The following DYNLRB2 variants were observed in gnomAD, a reference collection of about 807,000 sequenced individuals.
DYNLRB2 encodes the protein dynein light chain roadblock-type 2.
In DYNLRB2, 14 loss-of-function variants were observed where a neutral mutation model predicts 12.6. The ratio of observed to expected loss-of-function variants is 1.11; its 90% confidence interval spans 0.73 to 1.73. DYNLRB2 has a LOEUF of 1.73. Among genes scored for constraint, DYNLRB2 ranks in the 40% most tolerant of loss-of-function variants. The pLI is 0.00. For synonymous variants in DYNLRB2, 53 were observed against 37.0 expected (o/e 1.43, Z -1.57); for missense variants, 142 against 117.7 (o/e 1.21, Z -0.95).
At chr16:80,543,607 T>G (rs949120549) in intron 2 of DYNLRB2, among the ~76,000 whole-genome samples, 2 of 152,204 alleles carry the variant, frequency 1.3e-5, no homozygotes, top group African/African-American at 4.8e-5. Context: ...TATACATTGT[T>G]TACTTTTTAA....
chr16:80,546,943 G>C (rs1904504157), intron 2 of DYNLRB2, among the ~76,000 whole-genome samples: 2 of 152,318 alleles, frequency 1.3e-5, no homozygotes, highest in South Asian at 4.1e-4. Flanking sequence ...AGTGCCATCA[G>C]ATTTTAGAAT....
chr16:80,541,064 C>G lies in DYNLRB2; in HGVS notation c.-13C>G, dbSNP rs906944547. Reference sequence around the variant, plus strand: ...TGCCGCCGGCCTGAGCCCAGAGTTTCGCGGCCTCCGCGATGGTAAATCTGG... The same window carrying G: ...TGCCGCCGGCCTGAGCCCAGAGTTTGGCGGCCTCCGCGATGGTAAATCTGG... On this transcript the variant is annotated 5_prime_UTR_variant, in exon 1 of 4. Coordinates refer to ENST00000305904, the MANE Select transcript of DYNLRB2 (RefSeq NM_130897.3). 1.2e-6 allele frequency: 2 copies of G among 1,607,568 alleles called. No individual in the cohort carries two copies. The highest frequency in any genetic ancestry group is 2.7e-5 in the African/African-American group (2 of 74,842).
chr16:80,541,435 G>GA (rs915633504), intron 1 of DYNLRB2: 73 of 976,286 alleles, frequency 7.5e-5, no homozygotes, highest in Middle Eastern at 5.3e-4. Context: ...AGATGGAGAG[G>GA]AAAAAAAATC....
rs751931828 is a variant in DYNLRB2 at position 80,549,576 on chromosome 16, C to A, written c.172C>A (p.Arg58Ser). 1 of 1,612,646 alleles carries A rather than the reference C, an allele frequency of 6.2e-7. No homozygotes were observed. The highest frequency in any genetic ancestry group is 1.1e-5 in the South Asian group (1 of 90,888). ...HLTMKAKSTV[R>S]DIDPQNDLTF... ...GACAATGAAAGCCAAAAGCACAGTT[C>A]GTGATATTGATCCTCAGAACGACCT... Residue 58 changes from arginine to serine, a missense_variant, in exon 3 of 4, where the codon CGT becomes AGT. By Grantham distance (110) the Arg-to-Ser change is moderately radical. Coordinates refer to ENST00000305904, the MANE Select transcript of DYNLRB2 (RefSeq NM_130897.3).
chr16:80,550,656 A>T lies in DYNLRB2; in HGVS notation c.*98A>T. ...CTATTTCAATCTAACTGACCCTTCAAACATTCTTTTCTATTTCTATATCTA... is the reference window on the plus strand; with the variant it reads ...CTATTTCAATCTAACTGACCCTTCATACATTCTTTTCTATTTCTATATCTA... On this transcript the variant is annotated 3_prime_UTR_variant, in exon 4 of 4. Transcript: ENST00000305904. 30 of 1,324,878 alleles carry T rather than the reference A, an allele frequency of 2.3e-5. No homozygotes were observed. Among genetic ancestry groups the T allele is most frequent in the Non-Finnish European group, 3.3e-5 (30 of 920,406 alleles). 82.1% of individuals were successfully genotyped at this position (1,324,878 alleles called of 1,614,324 possible).
chr16:80,549,495 C>T lies in DYNLRB2; in HGVS notation c.91C>T (p.Arg31Ter), dbSNP rs775329487. The change falls in exon 3 of 4, where the codon CGA (arginine) becomes TGA (stop). Residue 31 changes from arginine to a stop codon, truncating the protein, a stop_gained. Coordinates refer to ENST00000305904, the MANE Select transcript of DYNLRB2 (RefSeq NM_130897.3). LOFTEE classifies it high-confidence loss of function. ...AAATTTCATAATAGGTATTCCCATCCGAACAACCTTGGACAACTCAACAAC... is the reference window on the plus strand; with the variant it reads ...AAATTTCATAATAGGTATTCCCATCTGAACAACCTTGGACAACTCAACAAC... ...MVVNAEGIPI[R>*]TTLDNSTTVQ... The T allele has an allele frequency of 1.6e-5, 25 of 1,592,814 alleles. No individual in the cohort carries two copies. The highest frequency in any genetic ancestry group is 1.7e-4 in the Middle Eastern group (1 of 5,986).
At chr16:80,542,978 C>T (rs889526895) in intron 1 of DYNLRB2, among the ~76,000 whole-genome samples, 2 of 152,148 alleles carry the variant, frequency 1.3e-5, no homozygotes, top group South Asian at 2.1e-4. Flanking sequence ...GTAAAGAATA[C>T]TTTTCTAGTA....
chr16:80,550,400 A>T, intron 3 of DYNLRB2, 115 bp from the exon 4 acceptor site: 1 of 1,211,502 alleles, frequency 8.3e-7, no homozygotes, highest in Admixed American at 1.8e-5. Context: ...AGGGTGGGAA[A>T]CCATCTGTCT....
At chr16:80,547,640 C>A in intron 2 of DYNLRB2, 1 of 376,266 alleles carries the variant, frequency 2.7e-6, no homozygotes, top group Non-Finnish European at 5.2e-6. Context: ...TGTTTTCCTA[C>A]TGAGCATTGC....
intron 2 of DYNLRB2, among the ~76,000 whole-genome samples, chr16:80,548,647 A>T (rs1051730064): frequency 5.3e-5 from 8 of 151,560 alleles, no homozygotes; most frequent in Non-Finnish European, 7.4e-5. Context: ...GCTGGAACCC[A>T]GGAGGCAGAG....
At chr16:80,543,608 T>G (rs892551678) in intron 2 of DYNLRB2, among the ~76,000 whole-genome samples, 2 of 152,232 alleles carry the variant, frequency 1.3e-5, no homozygotes, top group Non-Finnish European at 2.9e-5. Flanking sequence ...ATACATTGTT[T>G]ACTTTTTAAA....
In DYNLRB2 at chr16:80,543,275, G is replaced by T. The variant is rs1259297442; in HGVS notation, c.4-1G>T. The T allele has an allele frequency of 6.2e-7, 1 of 1,613,906 alleles. No homozygotes were observed. The highest frequency in any genetic ancestry group is 2.2e-5 in the East Asian group (1 of 44,870). On this transcript the variant is annotated splice_acceptor_variant, in intron 1 of 3. Transcript: ENST00000305904. LOFTEE classifies it high-confidence loss of function. ...TTAATTATCTTCCTGGTCTCTTTCA[G>T]GCAGAGGTGGAGGAAACCTTAAAGA...
chr16:80,543,501 T>G, intron 2 of DYNLRB2, 150 bp downstream of exon 2: 1 of 725,818 alleles, frequency 1.4e-6, no homozygotes. Context: ...AAACATCTAT[T>G]GAGTATCTGT....
Position 80,549,588 on chromosome 16 carries a change from C to T in DYNLRB2, c.184C>T (p.Pro62Ser), listed in dbSNP as rs1904710347. Residue 62 changes from proline to serine, a missense_variant, in exon 3 of 4, where the codon CCT (proline) becomes TCT (serine). Coordinates refer to ENST00000305904, the MANE Select transcript of DYNLRB2 (RefSeq NM_130897.3). The stretch of plus-strand genomic sequence containing the variant: ...CAAAAGCACAGTTCGTGATATTGAT[C>T]CTCAGAACGACCTGACTTTTCTTAG... ...KAKSTVRDID[P>S]QNDLTFLRIR... The T allele has an allele frequency of 6.2e-7, 1 of 1,612,640 alleles. No homozygotes were observed. Among genetic ancestry groups the T allele is most frequent in the Non-Finnish European group, 8.5e-7 (1 of 1,178,986 alleles).
rs772797116 is a variant in DYNLRB2, at chr16:80,543,325, T to C, written c.53T>C (p.Ile18Thr). 3 of 1,614,064 alleles carry C rather than the reference T, an allele frequency of 1.9e-6. No homozygotes were observed. Among genetic ancestry groups the C allele is most frequent in the Middle Eastern group, 3.3e-4 (2 of 6,060 alleles). Residue 18 changes from isoleucine to threonine, a missense_variant, in exon 2 of 4, where the codon ATT (isoleucine) becomes ACT (threonine). Ile to Thr is a moderately conservative substitution (Grantham distance 89, BLOSUM62 -1). Transcript: ENST00000305904. ...LKRIQSHKGV[I>T]GTMVVNAEGI... is the part of the protein sequence containing the mutation. ...AGGATCCAGAGTCATAAAGGGGTTA[T>C]TGGAACTATGGTTGTAAATGCAGAA...
chr16:80,550,097 A>T (rs944368304), intron 3 of DYNLRB2, among the ~76,000 whole-genome samples: 5 of 152,240 alleles, frequency 3.3e-5, no homozygotes, highest in African/African-American at 1.2e-4. Context: ...TCCCTGAAGG[A>T]ATTAGGTTCG....
rs1904290221 is a variant in DYNLRB2 at position 80,541,711 on chromosome 16, G to A, written c.3+632G>A. Among the ~76,000 whole-genome samples, 3 of 151,558 alleles carry A rather than the reference G, an allele frequency of 2.0e-5. No individual in the cohort carries two copies. In the South Asian group the frequency reaches 6.3e-4, roughly 32 times the overall value. On this transcript the variant is annotated intron_variant, in intron 1 of 3. Coordinates refer to ENST00000305904, the MANE Select transcript of DYNLRB2 (RefSeq NM_130897.3). ...GGAGCACTTACAAATCATGAGAAGA[G>A]AAACAACTGGGTGGAGAAATGGAAA...
At chr16:80,548,740 AAAT>A (rs199733386) in intron 2 of DYNLRB2, among the ~76,000 whole-genome samples, 192 of 148,818 alleles carry the variant, frequency 1.3e-3, no homozygotes, top group African/African-American at 3.3e-3. Context: ...AAAAAAAAAA[AAAT>A]AGAGCACCCA....
chr16:80,546,189 G>A (rs1407892456), intron 2 of DYNLRB2, among the ~76,000 whole-genome samples: 3 of 152,124 alleles, frequency 2.0e-5, no homozygotes, highest in East Asian at 1.9e-4. Context: ...TGTAAGCTAC[G>A]TGACCAGAAT....
Sources: allele counts gnomAD v4.1 joint callset (sites outside exome capture counted in the v4.1 genomes callset), GRCh38; gene constraint gnomAD v4.1.1; transcripts MANE v1.5; gene names NCBI Gene and HGNC (gene_info 2026-07-23, HGNC 2026-07-21).